The following SMC5 variants were observed in gnomAD, a reference collection of about 807,000 sequenced individuals.
The protein encoded by SMC5 is structural maintenance of chromosomes protein 5.
SMC5 carries 88 observed loss-of-function variants against 148.3 expected under a neutral mutation model. That is an observed-to-expected ratio of 0.59 (90% CI 0.50 to 0.71). The LOEUF (loss-of-function observed/expected upper bound fraction) is 0.71. SMC5 is among the 30% of genes least tolerant of loss of function. The probability of loss-of-function intolerance (pLI) is 0.00; values close to 1 mark genes in which losing one functional copy is unlikely to be tolerated. For synonymous variants in SMC5, 421 were observed against 432.8 expected, an observed-to-expected ratio of 0.97 and a Z score of 0.34; for missense variants, 1,142 against 1,298.9, an observed-to-expected ratio of 0.88 and a Z score of 1.86.
chr9:70,262,423 T>C (rs1269701744), intron 1 of SMC5, among the ~76,000 whole-genome samples: 1 of 152,132 alleles, frequency 6.6e-6, no homozygotes, highest in East Asian at 1.9e-4. Context: ...CCAGCATCAC[T>C]TGGTGATTGA....
intron 8 of SMC5, among the ~76,000 whole-genome samples, chr9:70,295,531 A>G (rs1302999751): frequency 6.6e-6 from 1 of 151,954 alleles, no homozygotes; most frequent in African/African-American, 2.4e-5. Context: ...ATAGAGCAGT[A>G]TGGAGACAGT....
At chr9:70,309,499 A>C (rs1228954079) in intron 11 of SMC5, among the ~76,000 whole-genome samples, 2 of 151,394 alleles carry the variant, frequency 1.3e-5, no homozygotes, top group African/African-American at 4.8e-5. Context: ...TTTATCACCT[A>C]AATTTATGTC....
chr9:70,278,702 GT>G, intron 5 of SMC5, 77 bp downstream of exon 5: 1 of 1,394,596 alleles, frequency 7.2e-7, no homozygotes, highest in Non-Finnish European at 9.7e-7. Context: ...GAGAGTAGTA[GT>G]ATTGATTCAT....
At chr9:70,262,476 A>G (rs2034165603) in intron 1 of SMC5, among the ~76,000 whole-genome samples, 1 of 152,194 alleles carries the variant, frequency 6.6e-6, no homozygotes, top group Non-Finnish European at 1.5e-5. Flanking sequence ...AAAAGAGATG[A>G]AAGAACCAAA....
chr9:70,292,940 T>C (rs1208389159), intron 8 of SMC5, among the ~76,000 whole-genome samples: 2 of 152,158 alleles, frequency 1.3e-5, no homozygotes, highest in Admixed American at 1.3e-4. Context: ...ATTCATGAGT[T>C]ATACTGTTTT....
At position 70,346,623 on chromosome 9, in the gene SMC5, A is replaced by G. The variant is rs775366059; in HGVS notation, c.2542A>G (p.Asn848Asp). The G allele has an allele frequency of 6.2e-7, 1 of 1,613,902 alleles. No individual in the cohort carries two copies. Among genetic ancestry groups the G allele is most frequent in the Non-Finnish European group, 8.5e-7 (1 of 1,179,954 alleles). The change falls in exon 19 of 25, where the codon AAT becomes GAT. Residue 848 changes from asparagine to aspartate, a missense_variant. This residue lies in a region of SMC5 where 743 missense variants were observed against 835.7 expected (regional missense o/e 0.89). Coordinates refer to ENST00000361138, the MANE Select transcript of SMC5 (RefSeq NM_015110.4). Reference protein sequence around the residue: ...EYQTQVPTIPNGHNSSLPMVF... With the variant: ...EYQTQVPTIPDGHNSSLPMVF... ...AATTCAGCAAGTACCCACCATTCCAAATGGACACAACTCCTCACTCCCCAT... is the reference window on the plus strand; with the variant it reads ...AATTCAGCAAGTACCCACCATTCCAGATGGACACAACTCCTCACTCCCCAT...
intron 15 of SMC5, among the ~76,000 whole-genome samples, chr9:70,321,746 C>T (rs954821653): frequency 1.3e-5 from 2 of 152,082 alleles, no homozygotes; most frequent in Non-Finnish European, 1.5e-5. Flanking sequence ...ATTCTCAGAA[C>T]GATTGTAACT....
intron 3 of SMC5, among the ~76,000 whole-genome samples, chr9:70,270,103 C>T (rs948903279): frequency 6.6e-6 from 1 of 152,174 alleles, no homozygotes; most frequent in South Asian, 2.1e-4. Flanking sequence ...GGACTGCCCT[C>T]CACTTTATAT....
In SMC5 at chr9:70,350,257, T is replaced by C; in HGVS notation, c.3033T>C (p.Asn1011=). 4 of 1,613,406 alleles carry C rather than the reference T, an allele frequency of 2.5e-6. No individual in the cohort carries two copies. The highest frequency in any genetic ancestry group is 3.4e-6 in the Non-Finnish European group (4 of 1,179,722). Reference sequence around the variant, plus strand: ...ACTTGATGGCACTTCAGGAGCTAAATAGATGTCCATTCAGAGTAGTTGATG... The same window carrying C: ...ACTTGATGGCACTTCAGGAGCTAAACAGATGTCCATTCAGAGTAGTTGATG... ...MLYLMALQEL[N]RCPFRVVDEI... Residue 1011 remains asparagine, a synonymous_variant, in exon 23 of 25, where the codon AAT becomes AAC. Coordinates refer to ENST00000361138, the MANE Select transcript of SMC5 (RefSeq NM_015110.4).
intron 11 of SMC5, among the ~76,000 whole-genome samples, chr9:70,308,589 TCAAAAA>T (rs1381196245): frequency 2.3e-5 from 1 of 43,920 alleles, no homozygotes; most frequent in African/African-American, 1.0e-4. Context: ...AGACTCTGTC[TCAAAAA>T]AAAAAAAAAA....
intron 17 of SMC5, among the ~76,000 whole-genome samples, chr9:70,336,559 A>G: frequency 6.6e-6 from 1 of 152,148 alleles, no homozygotes; most frequent in East Asian, 1.9e-4. Context: ...TAAGTTCCAA[A>G]TGGGAGTGAA....
At chr9:70,313,841 T>G (rs554051196) in intron 11 of SMC5, among the ~76,000 whole-genome samples, 1 of 152,116 alleles carries the variant, frequency 6.6e-6, no homozygotes, top group Non-Finnish European at 1.5e-5. Context: ...GGTAATAACA[T>G]TGTAGAGACT....
intron 17 of SMC5, among the ~76,000 whole-genome samples, chr9:70,326,632 G>A (rs2036085381): frequency 6.8e-6 from 1 of 148,054 alleles, no homozygotes; most frequent in Non-Finnish European, 1.5e-5. Flanking sequence ...TTTTTAGCTG[G>A]GGGTAGGAAA....
intron 1 of SMC5, 41 bp downstream of exon 1, chr9:70,259,304 C>T (rs1000929720): frequency 1.3e-6 from 2 of 1,520,884 alleles, no homozygotes; most frequent in African/African-American, 1.4e-5. Flanking sequence ...TGGAGGTGTG[C>T]TGGCCAGCAG....
chr9:70,273,364 T>A (rs547222104), intron 3 of SMC5, among the ~76,000 whole-genome samples: 1 of 152,144 alleles, frequency 6.6e-6, no homozygotes, highest in East Asian at 1.9e-4. Flanking sequence ...ATGAATACCA[T>A]CCTCTTATTT....
At chr9:70,337,450 G>GTTTT (rs201218742) in intron 17 of SMC5, among the ~76,000 whole-genome samples, 27 of 119,928 alleles carry the variant, frequency 2.3e-4, no homozygotes, top group African/African-American at 7.2e-4. Flanking sequence ...TTTGGGATTT[G>GTTTT]TTTTTTTTTT....
At chr9:70,271,998 T>C (rs561040662) in intron 3 of SMC5, among the ~76,000 whole-genome samples, 3 of 152,218 alleles carry the variant, frequency 2.0e-5, no homozygotes, top group Non-Finnish European at 4.4e-5. Context: ...GTGATGTAAC[T>C]TAAAAAGTTT....
At chr9:70,265,506 AT>A (rs1469009361) in intron 2 of SMC5, among the ~76,000 whole-genome samples, 2 of 152,188 alleles carry the variant, frequency 1.3e-5, no homozygotes, top group African/African-American at 4.8e-5. Flanking sequence ...TGGTAGAAAT[AT>A]GTGCAGATAT....
chr9:70,326,113 G>A (rs1459974139), intron 17 of SMC5, among the ~76,000 whole-genome samples: 2 of 152,048 alleles, frequency 1.3e-5, no homozygotes, highest in Non-Finnish European at 2.9e-5. Context: ...AAATGCAAAT[G>A]GATATAATTC....
Sources: gnomAD v4.1 joint callset for allele counts (sites outside exome capture counted in the v4.1 genomes callset) on GRCh38, gnomAD v4.1.1 for gene constraint, gnomAD v4.1.1 regional missense constraint, MANE v1.5 for transcripts, NCBI Gene and HGNC (gene_info 2026-07-23, HGNC 2026-07-21) for gene names.